Variants in EMILIN1 observed in about 807,000 individuals in gnomAD.
The protein encoded by EMILIN1 is elastin microfibril interfacer 1, also known as EMILIN-1.
A neutral mutation model predicts 82.4 loss-of-function variants in EMILIN1; 49 were observed. The ratio of observed to expected loss-of-function variants is 0.59; its 90% CI spans 0.47 to 0.75. The LOEUF (loss-of-function observed/expected upper bound fraction) is 0.75. EMILIN1 is among the 30% of genes least tolerant of loss of function. EMILIN1 has a pLI of 0.00. For missense variants in EMILIN1, 1,313 were observed against 1,366.4 expected (o/e 0.96, Z 0.62); for synonymous variants, 604 against 602.2 (o/e 1.00, Z -0.04).
At position 27,085,187 on chromosome 2, in the gene EMILIN1, T is replaced by A. The variant is rs574264620; in HGVS notation, c.2603T>A (p.Val868Glu). 9 of 1,614,194 alleles carry A rather than the reference T, an allele frequency of 5.6e-6. No individual in the cohort carries two copies. In the East Asian group the frequency reaches 1.1e-4, roughly 20 times the overall value. ...GTGGAGGGGGCACCAGCAGCCCCTG[T>A]GCCCCAAGTGGCATTTTCAGCTGCT... ...QGVEGAPAAP[V>E]PQVAFSAALS... is the part of the protein sequence containing the mutation. The change falls in exon 7 of 8, where the codon GTG becomes GAG. Residue 868 changes from valine to glutamate, a missense_variant. Val to Glu is a moderately radical substitution (Grantham distance 121, BLOSUM62 -2). Coordinates refer to ENST00000380320, the MANE Select transcript of EMILIN1 (RefSeq NM_007046.4).
At position 27,084,461 on chromosome 2, in the gene EMILIN1, A is replaced by C; in HGVS notation, c.2487A>C (p.Gly829=). ...AGPPGPPGLQ[G]PPGPAGPPGS... Reference sequence around the variant, plus strand: ...CCCCAGGGCCTCCTGGGCTGCAGGGACCCCCAGGCCCTGCTGGACCTCCAG... The same window carrying C: ...CCCCAGGGCCTCCTGGGCTGCAGGGCCCCCCAGGCCCTGCTGGACCTCCAG... Residue 829 remains glycine, a synonymous_variant, in exon 5 of 8, where the codon GGA becomes GGC. Coordinates refer to ENST00000380320, the MANE Select transcript of EMILIN1 (RefSeq NM_007046.4). 1 of 1,612,448 alleles carries C rather than the reference A, an allele frequency of 6.2e-7. No individual in the cohort carries two copies. The highest frequency in any genetic ancestry group is 8.5e-7 in the Non-Finnish European group (1 of 1,179,622).
At chr2:27,082,044 G>T (rs1215885672) in intron 3 of EMILIN1, 39 bp from the exon 4 acceptor site, 2 of 1,534,708 alleles carry the variant, frequency 1.3e-6, no homozygotes, top group Admixed American at 4.0e-5. Context: ...TGAGCTCTGG[G>T]GTCCAGCCCC....
At chr2:27,085,448 A>T in intron 7 of EMILIN1, 151 bp downstream of exon 7, 1 of 1,034,488 alleles carries the variant, frequency 9.7e-7, no homozygotes, top group Non-Finnish European at 1.4e-6. Flanking sequence ...ATTCTCAGGC[A>T]GTGGGGAGAA....
In EMILIN1 at chr2:27,084,280, C is replaced by A. The variant is rs907615290; in HGVS notation, c.2441-135C>A. 8.4e-6 allele frequency: 6 copies of A among 717,128 alleles called. No individual in the cohort carries two copies. In the African/African-American group the frequency reaches 8.8e-5, roughly 11 times the overall value. The allele number at this position is 717,128 out of a possible 1,614,324, so 44.4% of individuals were successfully genotyped here. A position where few individuals can be genotyped will look rare whatever the true frequency, so the allele number is the denominator to read the frequency against. On this transcript the variant is annotated intron_variant, in intron 4 of 7. Coordinates refer to ENST00000380320, the MANE Select transcript of EMILIN1 (RefSeq NM_007046.4). The stretch of plus-strand genomic sequence containing the variant: ...GGATCCAGCATATGCAGCAAGGGAC[C>A]CCATGGCCCCCTCAGCCTGCAAAGC...
At position 27,082,599 on chromosome 2, in the gene EMILIN1, T is replaced by C. The variant is rs1206408214; in HGVS notation, c.1028T>C (p.Leu343Pro). ...GAGCGGCAACGGCACCTCGCAGGGC[T>C]GGCGGTGGGCCGCAGGCCCCCTCAG... is the stretch of plus-strand genomic sequence containing the variant. ...VEERQRHLAGLAVGRRPPQEC... is the reference protein window; with the variant it reads ...VEERQRHLAGPAVGRRPPQEC... The change falls in exon 4 of 8, where the codon CTG (leucine) becomes CCG (proline). Residue 343 changes from leucine (L) to proline (P), a missense_variant. Transcript: ENST00000380320. 6.5e-7 allele frequency: 1 copy of C among 1,543,064 alleles called. No homozygotes were observed. Among genetic ancestry groups the C allele is most frequent in the Non-Finnish European group, 8.7e-7 (1 of 1,146,016 alleles).
In EMILIN1 at chr2:27,083,703, A is replaced by G. The variant is rs1376480816; in HGVS notation, c.2132A>G (p.Glu711Gly). Residue 711 changes from glutamate (E) to glycine (G), a missense_variant, in exon 4 of 8, where the codon GAG (glutamate) becomes GGG (glycine). Physicochemically the swap from Glu to Gly is moderately conservative, Grantham distance 98. Coordinates refer to ENST00000380320, the MANE Select transcript of EMILIN1 (RefSeq NM_007046.4). ...AGTGAAGAGCGCTTCCGAGGCCTAG[A>G]GGAGGGACAAGCACAGGCCGGCCAG... ...TESEERFRGL[E>G]EGQAQAGQCP... 2.5e-6 allele frequency: 4 copies of G among 1,613,982 alleles called. No individual in the cohort carries two copies. The highest frequency in any genetic ancestry group is 3.4e-6 in the Non-Finnish European group (4 of 1,179,856).
In EMILIN1 at chr2:27,084,496, G is replaced by A. The variant is rs1669554697; in HGVS notation, c.2522G>A (p.Gly841Asp). 1 of 1,612,960 alleles carries A rather than the reference G, an allele frequency of 6.2e-7. No homozygotes were observed. The highest frequency in any genetic ancestry group is 1.7e-5 in the Admixed American group (1 of 59,994). The stretch of plus-strand genomic sequence containing the variant: ...CCTGCTGGACCTCCAGGATCACCAG[G>A]CAAGGACGGGCAAGAGGGCCCCATC... ...PGPAGPPGSP[G>D]KDGQEGPIGP... The change falls in exon 5 of 8, where the codon GGC (glycine) becomes GAC (aspartate). Residue 841 changes from glycine (G) to aspartate (D), a missense_variant. Coordinates refer to ENST00000380320, the MANE Select transcript of EMILIN1 (RefSeq NM_007046.4).
At chr2:27,081,979 G>A in intron 3 of EMILIN1, 104 bp from the exon 4 acceptor site, 1 of 1,390,560 alleles carries the variant, frequency 7.2e-7, no homozygotes, top group South Asian at 1.5e-5. Flanking sequence ...CCAAAGGAGA[G>A]GCAGAGCCAG....
At chr2:27,084,894 T>C in intron 5 of EMILIN1, 97 bp from the exon 6 acceptor site, 1 of 1,172,526 alleles carries the variant, frequency 8.5e-7, no homozygotes, top group East Asian at 2.3e-5. Context: ...GAAGTCCACG[T>C]AGCACCGAGC....
intron 7 of EMILIN1, 38 bp from the exon 8 acceptor site, chr2:27,085,640 G>A: frequency 6.5e-7 from 1 of 1,549,660 alleles, no homozygotes; most frequent in Non-Finnish European, 8.8e-7. Flanking sequence ...GCTCCCCGGA[G>A]CTTCCCTGGC....
At position 27,080,343 on chromosome 2, in the gene EMILIN1, G is replaced by A. The variant is rs1457926759; in HGVS notation, c.290+73G>A. On this transcript the variant is annotated intron_variant, in intron 2 of 7. Transcript: ENST00000380320. ...GGCAGATGGTGGGTGGCTGACTCAG[G>A]GAGTCTGTATGAAGCAGGGAGCAAG... 3.0e-5 allele frequency: 48 copies of A among 1,587,512 alleles called. No homozygotes were observed. The East Asian group carries it at 9.9e-4, about 33-fold the overall frequency.
chr2:27,083,031 G>C lies in EMILIN1; in HGVS notation c.1460G>C (p.Gly487Ala). Residue 487 changes from glycine (G) to alanine (A), a missense_variant, in exon 4 of 8, where the codon GGG becomes GCG. Coordinates refer to ENST00000380320, the MANE Select transcript of EMILIN1 (RefSeq NM_007046.4). Reference sequence around the variant, plus strand: ...GGGCAGCTCTGCTCTGGGGCCCCTGGGGAGCAGGACTCTCAAGTCAGCGAG... The same window carrying C: ...GGGCAGCTCTGCTCTGGGGCCCCTGCGGAGCAGGACTCTCAAGTCAGCGAG... ...ACGQLCSGAP[G>A]EQDSQVSEIL... The C allele has an allele frequency of 6.5e-7, 1 of 1,550,112 alleles. No individual in the cohort carries two copies. Among genetic ancestry groups the C allele is most frequent in the Non-Finnish European group, 8.7e-7 (1 of 1,148,188 alleles).
chr2:27,082,430 A>T lies in EMILIN1; in HGVS notation c.859A>T (p.Ser287Cys). ...PAPASAPPGP[S>C]EELLRQLEQR... is the part of the protein sequence containing the mutation. ...CCCAGCCTCAGCCCCTCCGGGCCCCAGTGAGGAGCTGCTGCGGCAGCTGGA... is the reference window on the plus strand; with the variant it reads ...CCCAGCCTCAGCCCCTCCGGGCCCCTGTGAGGAGCTGCTGCGGCAGCTGGA... Residue 287 changes from serine to cysteine, a missense_variant, in exon 4 of 8, where the codon AGT (serine) becomes TGT (cysteine). Coordinates refer to ENST00000380320, the MANE Select transcript of EMILIN1 (RefSeq NM_007046.4). 2 of 1,599,466 alleles carry T rather than the reference A, an allele frequency of 1.3e-6. No homozygotes were observed. The highest frequency in any genetic ancestry group is 2.7e-5 in the African/African-American group (2 of 74,664).
Position 27,082,084 on chromosome 2 carries a change from T to C in EMILIN1, c.513T>C (p.Gly171=). 6.2e-7 allele frequency: 1 copy of C among 1,610,260 alleles called. No homozygotes were observed. The highest frequency in any genetic ancestry group is 8.5e-7 in the Non-Finnish European group (1 of 1,178,332). The change falls in exon 4 of 8, where the codon GGT becomes GGC. Residue 171 remains glycine (G), a splice_region_variant and synonymous_variant. Coordinates refer to ENST00000380320, the MANE Select transcript of EMILIN1 (RefSeq NM_007046.4). ...CCTTCTGCCTTCCCCTCTCCTCAGG[T>C]CCTGGGGAGTCAGAGAAGGTGCAGC... ...GSPLSGLGGE[G]PGESEKVQQL... is the part of the protein sequence containing the mutation.
Position 27,085,757 on chromosome 2 carries a change from C to T in EMILIN1, c.2793C>T (p.Ala931=). ...LTGHRHEKVE[A]VLSRSNQGVA... The stretch of plus-strand genomic sequence containing the variant: ...GGCACCGGCACGAGAAAGTGGAGGC[C>T]GTGCTGTCCCGCTCCAACCAGGGCG... The change falls in exon 8 of 8, where the codon GCC becomes GCT. Residue 931 remains alanine (A), a synonymous_variant. Transcript: ENST00000380320. The T allele has an allele frequency of 5.6e-6, 9 of 1,611,808 alleles. No individual in the cohort carries two copies. The highest frequency in any genetic ancestry group is 7.6e-6 in the Non-Finnish European group (9 of 1,179,072).
intron 7 of EMILIN1, 53 bp downstream of exon 7, chr2:27,085,350 A>G: frequency 6.3e-7 from 1 of 1,599,692 alleles, no homozygotes; most frequent in Non-Finnish European, 8.6e-7. Flanking sequence ...TGAGGTGTGC[A>G]GTGATATCTT....
intron 3 of EMILIN1, among the ~76,000 whole-genome samples, 175 bp from the exon 4 acceptor site, chr2:27,081,908 A>G (rs1273016140): frequency 1.3e-5 from 2 of 152,232 alleles, no homozygotes; most frequent in Non-Finnish European, 1.5e-5. Flanking sequence ...GCCATGGTTC[A>G]TATTTGGCCT....
intron 3 of EMILIN1, 64 bp downstream of exon 3, chr2:27,081,016 G>A (rs1669464641): frequency 2.3e-6 from 3 of 1,281,702 alleles, no homozygotes; most frequent in Admixed American, 4.4e-5. Flanking sequence ...AATGGGAAAT[G>A]TGGGGCCAGG....
intron 5 of EMILIN1, 133 bp downstream of exon 5, chr2:27,084,664 A>C (rs1669559509): frequency 6.2e-6 from 4 of 647,284 alleles, no homozygotes; most frequent in African/African-American, 5.5e-5. Context: ...CTGACCGATA[A>C]GGGAAAATCA....
Sources: gnomAD v4.1 joint callset for allele counts (sites outside exome capture counted in the v4.1 genomes callset) on GRCh38, gnomAD v4.1.1 for gene constraint, MANE v1.5 for transcripts, NCBI Gene and HGNC (gene_info 2026-07-23, HGNC 2026-07-21) for gene names.